The following DENR variants were observed in gnomAD, a reference collection of about 807,000 sequenced individuals.
DENR encodes density-regulated protein.
DENR carries 6 observed loss-of-function variants against 30.6 expected under a neutral mutation model. The observed-to-expected ratio is 0.20, with a 90% CI of 0.11 to 0.39. DENR has a LOEUF of 0.39. DENR is among the 10% of genes least tolerant of loss of function. DENR has a pLI of 1.00. For missense variants in DENR, 141 were observed against 230.9 expected (o/e 0.61, Z 2.52); for synonymous variants, 78 against 72.1 (o/e 1.08, Z -0.41).
chr12:122,755,857 T>TA (rs1878536789), intron 2 of DENR, among the ~76,000 whole-genome samples: 1 of 152,222 alleles, frequency 6.6e-6, no homozygotes, highest in Non-Finnish European at 1.5e-5. Context: ...AAAACATTCT[T>TA]ATGCTTAATT....
At chr12:122,765,210 C>T (rs1878815686) in intron 4 of DENR, 94 bp from the exon 5 acceptor site, 10 of 902,230 alleles carry the variant, frequency 1.1e-5, no homozygotes, top group Non-Finnish European at 3.4e-6. Context: ...TGGTAAGATG[C>T]CTTATTTGTA....
At chr12:122,765,271 G>C (rs1459708301) in intron 4 of DENR, 33 bp from the exon 5 acceptor site, 4 of 1,512,470 alleles carry the variant, frequency 2.6e-6, no homozygotes, top group Non-Finnish European at 3.6e-6. Context: ...GTGAGATGAT[G>C]TTCATGCTTT....
intron 4 of DENR, among the ~76,000 whole-genome samples, chr12:122,763,476 C>T (rs1276876800): frequency 1.3e-5 from 2 of 152,030 alleles, no homozygotes; most frequent in South Asian, 2.1e-4. Context: ...GAGGCTGAGG[C>T]GGGTGGATCA....
At chr12:122,754,274 G>A (rs1340569239) in intron 2 of DENR, 2 of 170,602 alleles carry the variant, frequency 1.2e-5, no homozygotes, top group Admixed American at 1.1e-4. Flanking sequence ...GCCCGTTAAG[G>A]AGTGGGAGAA....
chr12:122,766,752 C>T (rs951103527), intron 5 of DENR, among the ~76,000 whole-genome samples: 2 of 152,126 alleles, frequency 1.3e-5, no homozygotes, highest in East Asian at 3.8e-4. Flanking sequence ...TTTCTCCTCC[C>T]TCCTCTCCTG....
chr12:122,762,787 G>A, intron 3 of DENR, 58 bp from the exon 4 acceptor site: 7 of 1,154,778 alleles, frequency 6.1e-6, no homozygotes, highest in Non-Finnish European at 8.7e-6. Flanking sequence ...TTTTAATTAC[G>A]ACATATTGTT....
intron 2 of DENR, among the ~76,000 whole-genome samples, chr12:122,758,955 C>G (rs575738862): frequency 6.6e-6 from 1 of 151,954 alleles, no homozygotes; most frequent in South Asian, 2.1e-4. Flanking sequence ...AGCGATTCTC[C>G]TGCCTCAGCC....
At chr12:122,761,900 A>G (rs998922586) in intron 2 of DENR, among the ~76,000 whole-genome samples, 1 of 152,178 alleles carries the variant, frequency 6.6e-6, no homozygotes, top group Non-Finnish European at 1.5e-5. Context: ...ACCCACTGAA[A>G]TGGTTATGGT....
At chr12:122,766,299 C>T (rs998173931) in intron 5 of DENR, among the ~76,000 whole-genome samples, 9 of 152,174 alleles carry the variant, frequency 5.9e-5, no homozygotes, top group African/African-American at 2.2e-4. Flanking sequence ...GAAACATTGT[C>T]CCTCCTTGGT....
rs1566061687 is a variant in DENR at position 122,769,319 on chromosome 12, C to CATATATACACATATATGTATATAT, written c.*248_*249insCACATATATGTATATATATATATA. On this transcript the variant is annotated 3_prime_UTR_variant, in exon 8 of 8. Coordinates refer to ENST00000280557, the MANE Select transcript of DENR (RefSeq NM_003677.5). The stretch of plus-strand genomic sequence containing the variant: ...GTATACATATATACACATATGTATA[C>CATATATACACATATATGTATATAT]ATATATATATATTCTACAGTAAAAC... 1.1e-6 allele frequency: 1 copy of CATATATACACATATATGTATATAT among 893,422 alleles called. No individual in the cohort carries two copies. Among genetic ancestry groups the CATATATACACATATATGTATATAT allele is most frequent in the African/African-American group, 2.1e-5 (1 of 48,716 alleles). The allele number at this position is 893,422 out of a possible 1,614,324, so 55.3% of individuals were successfully genotyped here.
Position 122,769,487 on chromosome 12 carries a change from A to G in DENR, c.*409A>G. ...AAATAAAAAATTTTGGTCATTTGGTACTGACTTTCTCTCTCTCTCTCTCTC... is the reference window on the plus strand; with the variant it reads ...AAATAAAAAATTTTGGTCATTTGGTGCTGACTTTCTCTCTCTCTCTCTCTC... On this transcript the variant is annotated 3_prime_UTR_variant, in exon 8 of 8. Transcript: ENST00000280557. The G allele has an allele frequency of 1.0e-6, 1 of 981,908 alleles. No homozygotes were observed. Among genetic ancestry groups the G allele is most frequent in the Non-Finnish European group, 1.2e-6 (1 of 828,950 alleles). The allele number at this position is 981,908 out of a possible 1,614,324, so 60.8% of individuals were successfully genotyped here. A position where few individuals can be genotyped will look rare whatever the true frequency, so the allele number is the denominator to read the frequency against.
chr12:122,758,667 G>A (rs984093216), intron 2 of DENR, among the ~76,000 whole-genome samples: 2 of 152,078 alleles, frequency 1.3e-5, no homozygotes, highest in Non-Finnish European at 2.9e-5. Context: ...TTAGCCAGGT[G>A]TGGTGGCAAG....
chr12:122,765,515 G>A, intron 5 of DENR, 128 bp downstream of exon 5: 4 of 755,002 alleles, frequency 5.3e-6, no homozygotes, highest in Admixed American at 2.8e-5. Flanking sequence ...TTCTTAGGGG[G>A]CTGAGGCAGG....
intron 2 of DENR, among the ~76,000 whole-genome samples, chr12:122,755,066 G>A (rs1177804791): frequency 3.3e-5 from 5 of 152,186 alleles, no homozygotes; most frequent in Middle Eastern, 3.2e-3. Context: ...CCAAATGGAA[G>A]AATCCAAGTA....
intron 2 of DENR, among the ~76,000 whole-genome samples, chr12:122,755,995 A>C (rs1347876055): frequency 6.6e-6 from 1 of 152,240 alleles, no homozygotes; most frequent in Non-Finnish European, 1.5e-5. Context: ...AATAGAGTCC[A>C]CATCATAATC....
chr12:122,768,807 AT>A lies in DENR; in HGVS notation c.444del (p.Phe148LeufsTer11). On this transcript the variant is annotated frameshift_variant, in exon 7 of 8. Transcript: ENST00000280557. LOFTEE classifies it high-confidence loss of function. ...AAATTGATCTTAAAGAAGCACAAAG[AT>A]TTTTTGCTCAAAAATTCTCCTGTGG... ...FEIDLKEAQR[F>X]FAQKFSCGAS... is the part of the protein sequence containing the mutation. 1 of 1,587,562 alleles carries A rather than the reference AT, an allele frequency of 6.3e-7. No homozygotes were observed. The highest frequency in any genetic ancestry group is 8.6e-7 in the Non-Finnish European group (1 of 1,167,518).
In DENR at chr12:122,763,000, G is replaced by A. The variant is rs1008246839; in HGVS notation, c.211+71G>A. On this transcript the variant is annotated intron_variant, in intron 4 of 7. Coordinates refer to ENST00000280557, the MANE Select transcript of DENR (RefSeq NM_003677.5). ...AATGCATGTATGGCATTATTCTAAA[G>A]ATAGGAAAGTCCTCCTTTAGTAGGA... The A allele has an allele frequency of 4.7e-6, 4 of 855,412 alleles. No homozygotes were observed. The African/African-American group carries it at 5.2e-5, about 11-fold the overall frequency. The allele number at this position is 855,412 out of a possible 1,614,324, so 53.0% of individuals were successfully genotyped here. A position where few individuals can be genotyped will look rare whatever the true frequency, so the allele number is the denominator to read the frequency against.
chr12:122,769,307 C>T lies in DENR; in HGVS notation c.*229C>T. ...ATACACATATATGTATACATATATACACATATGTATACATATATATATATT... is the reference window on the plus strand; with the variant it reads ...ATACACATATATGTATACATATATATACATATGTATACATATATATATATT... On this transcript the variant is annotated 3_prime_UTR_variant, in exon 8 of 8. Coordinates refer to ENST00000280557, the MANE Select transcript of DENR (RefSeq NM_003677.5). 1.4e-6 allele frequency: 1 copy of T among 720,248 alleles called. No individual in the cohort carries two copies. The highest frequency in any genetic ancestry group is 1.6e-6 in the Non-Finnish European group (1 of 641,058). The allele number at this position is 720,248 out of a possible 1,614,324, so 44.6% of individuals were successfully genotyped here.
At chr12:122,765,019 C>T (rs1439960671) in intron 4 of DENR, among the ~76,000 whole-genome samples, 1 of 152,218 alleles carries the variant, frequency 6.6e-6, no homozygotes, top group Non-Finnish European at 1.5e-5. Context: ...TGCTAGAGCA[C>T]TCCTGCAGAG....
Sources: gnomAD v4.1 joint callset for allele counts (sites outside exome capture counted in the v4.1 genomes callset) on GRCh38, gnomAD v4.1.1 for gene constraint, MANE v1.5 for transcripts, NCBI Gene and HGNC (gene_info 2026-07-23, HGNC 2026-07-21) for gene names.